PTPN4: variants seen among roughly 807,000 people sequenced by gnomAD.
The protein encoded by PTPN4 is tyrosine-protein phosphatase non-receptor type 4.
PTPN4 carries 49 observed loss-of-function variants against 135.5 expected under a neutral mutation model. The observed-to-expected ratio is 0.36, with a 90% CI of 0.29 to 0.46. PTPN4 has a LOEUF of 0.46. PTPN4 is among the 20% of genes least tolerant of loss of function. PTPN4 has a pLI of 1.00. For synonymous variants in PTPN4, 333 were observed against 369.9 expected, an observed-to-expected ratio of 0.90 and a Z score of 1.14; for missense variants, 860 against 1,101.0, an observed-to-expected ratio of 0.78 and a Z score of 3.10.
At chr2:119,848,631 C>T (rs1298122797) in intron 2 of PTPN4, among the ~76,000 whole-genome samples, 1 of 151,952 alleles carries the variant, frequency 6.6e-6, no homozygotes, top group East Asian at 1.9e-4. Context: ...GACAGAGTCT[C>T]ACTCTGTCAC....
chr2:119,770,848 G>T (rs961546443), intron 1 of PTPN4, among the ~76,000 whole-genome samples: 1 of 150,496 alleles, frequency 6.6e-6, no homozygotes, highest in South Asian at 2.1e-4. Flanking sequence ...TTAATGACCT[G>T]CCTGACTTTT....
At chr2:119,956,323 C>T (rs12105850) in intron 20 of PTPN4, among the ~76,000 whole-genome samples, 3,454 of 150,004 alleles carry the variant, frequency 0.023, 126 homozygotes, top group African/African-American at 0.077. Flanking sequence ...AAACAATCCT[C>T]CAGCCTCAGC....
At chr2:119,895,849 G>A (rs1191269285) in intron 9 of PTPN4, among the ~76,000 whole-genome samples, 2 of 151,280 alleles carry the variant, frequency 1.3e-5, no homozygotes, top group African/African-American at 4.9e-5. Flanking sequence ...CCCAGGAGGC[G>A]GAGCTTGCAG....
At chr2:119,855,639 G>A (rs1468787180) in intron 2 of PTPN4, among the ~76,000 whole-genome samples, 8 of 152,270 alleles carry the variant, frequency 5.3e-5, no homozygotes, top group South Asian at 2.1e-4. Context: ...AATCAGAGAC[G>A]TAATATGCCC....
At chr2:119,790,506 G>A (rs188696755) in intron 1 of PTPN4, among the ~76,000 whole-genome samples, 1 of 151,690 alleles carries the variant, frequency 6.6e-6, no homozygotes, top group East Asian at 1.9e-4. Flanking sequence ...TATTAGTATA[G>A]GTATGGTAGC....
chr2:119,965,377 G>T, intron 24 of PTPN4, 120 bp from the exon 25 acceptor site: 1 of 965,838 alleles, frequency 1.0e-6, no homozygotes, highest in South Asian at 1.7e-5. Context: ...TAAGTGTGCT[G>T]CAAGCTGTGT....
chr2:119,765,685 A>G (rs1690601834), intron 1 of PTPN4, among the ~76,000 whole-genome samples: 1 of 152,250 alleles, frequency 6.6e-6, no homozygotes, highest in African/African-American at 2.4e-5. Context: ...ACATGTCAAC[A>G]AACAATTAAC....
intron 2 of PTPN4, among the ~76,000 whole-genome samples, chr2:119,810,836 T>C (rs1374910460): frequency 3.9e-5 from 6 of 152,002 alleles, no homozygotes; most frequent in Non-Finnish European, 8.8e-5. Context: ...TGACTTTTTT[T>C]TCCTGAACCT....
At chr2:119,860,198 G>A (rs182309968) in intron 2 of PTPN4, among the ~76,000 whole-genome samples, 4 of 152,318 alleles carry the variant, frequency 2.6e-5, no homozygotes, top group Admixed American at 2.6e-4. Context: ...TGAGAGACAG[G>A]TCAGGGAGGT....
At chr2:119,824,167 T>G (rs981439921) in intron 2 of PTPN4, among the ~76,000 whole-genome samples, 5 of 152,178 alleles carry the variant, frequency 3.3e-5, no homozygotes, top group Non-Finnish European at 5.9e-5. Flanking sequence ...GAACATACTT[T>G]GTATGATTTC....
At chr2:119,882,962 GGACTT>G (rs1352975741) in intron 8 of PTPN4, among the ~76,000 whole-genome samples, 3 of 152,074 alleles carry the variant, frequency 2.0e-5, no homozygotes, top group Admixed American at 2.0e-4. Flanking sequence ...TAGGTATAAA[GGACTT>G]GATTCTCCTT....
At chr2:119,917,992 G>T (rs1196433197) in intron 11 of PTPN4, among the ~76,000 whole-genome samples, 1 of 152,146 alleles carries the variant, frequency 6.6e-6, no homozygotes, top group African/African-American at 2.4e-5. Context: ...GTCAAAATGG[G>T]TGAATATGTA....
chr2:119,848,790 G>C (rs546731229), intron 2 of PTPN4, among the ~76,000 whole-genome samples: 1 of 151,580 alleles, frequency 6.6e-6, no homozygotes, highest in Non-Finnish European at 1.5e-5. Flanking sequence ...TAGTAGAGAC[G>C]GGGTTTCACA....
intron 15 of PTPN4, among the ~76,000 whole-genome samples, chr2:119,935,909 A>G (rs1037363507): frequency 2.4e-4 from 36 of 152,340 alleles, no homozygotes; most frequent in South Asian, 1.4e-3. Context: ...ACCAAAACCA[A>G]TATAATTCTT....
Position 119,760,019 on chromosome 2 carries a change from G to C in PTPN4, c.-383G>C. 1 of 382,012 alleles carries C rather than the reference G, an allele frequency of 2.6e-6. No homozygotes were observed. The highest frequency in any genetic ancestry group is 4.6e-6 in the Non-Finnish European group (1 of 215,766). The allele number at this position is 382,012 out of a possible 1,614,324, so 23.7% of individuals were successfully genotyped here. A position where few individuals can be genotyped will look rare whatever the true frequency, so the allele number is the denominator to read the frequency against. On this transcript the variant is annotated 5_prime_UTR_variant, in exon 1 of 27. Transcript: ENST00000263708. Reference sequence around the variant, plus strand: ...TCAGGACTCCTGGGTCCCAGGGGCCGGAATTGGGCCTGAGCGGGAGAGGAA... The same window carrying C: ...TCAGGACTCCTGGGTCCCAGGGGCCCGAATTGGGCCTGAGCGGGAGAGGAA...
chr2:119,790,729 T>C (rs536232548), intron 1 of PTPN4, among the ~76,000 whole-genome samples: 135 of 152,314 alleles, frequency 8.9e-4, no homozygotes, highest in African/African-American at 3.1e-3. Context: ...ATGTTTTATA[T>C]GTCTTTGGTC....
chr2:119,783,215 G>A (rs182083184), intron 1 of PTPN4, among the ~76,000 whole-genome samples: 11 of 152,264 alleles, frequency 7.2e-5, no homozygotes, highest in African/African-American at 2.4e-4. Context: ...TAGGAACATA[G>A]GAAGCTATCG....
chr2:119,845,620 C>T (rs1355575166), intron 2 of PTPN4, among the ~76,000 whole-genome samples: 1 of 151,938 alleles, frequency 6.6e-6, no homozygotes, highest in Non-Finnish European at 1.5e-5. Context: ...TGTTCTTTCT[C>T]AGTCTACCTA....
rs542001126 is a variant in PTPN4 at position 119,927,357 on chromosome 2, C to CG, written c.1070+691_1070+692insG. Among the ~76,000 whole-genome samples the CG allele has an allele frequency of 2.6e-4, 39 of 152,048 alleles. No individual in the cohort carries two copies. The South Asian group carries it at 7.7e-3, about 30-fold the overall frequency. ...AACTCGTGACCTCAGGTGATCCCCCCCACCTTGGCCTCCCAAAGTGCTGGC... is the reference window on the plus strand; with the variant it reads ...AACTCGTGACCTCAGGTGATCCCCCCGCACCTTGGCCTCCCAAAGTGCTGGC... On this transcript the variant is annotated intron_variant, in intron 13 of 26. Coordinates refer to ENST00000263708, the MANE Select transcript of PTPN4 (RefSeq NM_002830.4).
Sources: gnomAD v4.1 joint callset for allele counts (sites outside exome capture counted in the v4.1 genomes callset) on GRCh38, gnomAD v4.1.1 for gene constraint, MANE v1.5 for transcripts, NCBI Gene and HGNC (gene_info 2026-07-23, HGNC 2026-07-21) for gene names.